The following VPS37B variants were observed in gnomAD, a reference collection of about 807,000 sequenced individuals.
The protein encoded by VPS37B is vacuolar protein sorting-associated protein 37B.
Under a neutral mutation model 21.2 loss-of-function variants are expected in VPS37B, and 11 were observed. The observed-to-expected ratio is 0.52, with a 90% CI of 0.33 to 0.86. The LOEUF (loss-of-function observed/expected upper bound fraction) is 0.86, where lower values mean the gene tolerates loss of function less well. Among genes scored for constraint, VPS37B ranks in the 40% least tolerant of loss-of-function variants. The pLI, the probability that VPS37B is intolerant of heterozygous loss-of-function variation, is 0.03. For synonymous variants in VPS37B, 175 were observed against 159.6 expected, an observed-to-expected ratio of 1.10 and a Z score of -0.73; for missense variants, 389 against 374.8, an observed-to-expected ratio of 1.04 and a Z score of -0.31.
chr12:122,881,881 C>T (rs942725390), intron 1 of VPS37B: 4 of 152,080 alleles, frequency 2.6e-5, no homozygotes, highest in African/African-American at 9.7e-5. Context: ...TATGTATAAC[C>T]GTCTCCTAGG....
chr12:122,894,830 G>A (rs2034466187), intron 1 of VPS37B, among the ~76,000 whole-genome samples: 1 of 152,182 alleles, frequency 6.6e-6, no homozygotes, highest in East Asian at 1.9e-4. Context: ...TGCCTTCCAG[G>A]GGCTGGGCAA....
At chr12:122,884,777 G>A (rs896859846) in intron 1 of VPS37B, 57 of 151,804 alleles carry the variant, frequency 3.8e-4, no homozygotes, top group Non-Finnish European at 5.9e-5. Context: ...GAAGAGCTTC[G>A]GGTTTTATTG....
In VPS37B at chr12:122,867,647, G is replaced by A; in HGVS notation, c.367-40C>T. On this transcript the variant is annotated intron_variant, in intron 3 of 3. Transcript: ENST00000267202. The surrounding 1 kb of genome is among the most constrained non-coding windows in gnomAD (Gnocchi z 5.5). ...AACCTGGTTACAGGGACAGCCAGAT[G>A]GGGAGGATGCTCCCTTCGTGGTCTA... 1 of 1,604,732 alleles carries A rather than the reference G, an allele frequency of 6.2e-7. No individual in the cohort carries two copies. Among genetic ancestry groups the A allele is most frequent in the Non-Finnish European group, 8.5e-7 (1 of 1,179,778 alleles).
At chr12:122,871,976 G>C (rs1023630956) in intron 1 of VPS37B, 1 of 985,310 alleles carries the variant, frequency 1.0e-6, no homozygotes, top group Admixed American at 6.2e-5. Context: ...AACAGCATGC[G>C]ATTCCTTACC....
intron 1 of VPS37B, among the ~76,000 whole-genome samples, chr12:122,894,781 A>C (rs1246594803): frequency 6.6e-6 from 1 of 152,224 alleles, no homozygotes; most frequent in Non-Finnish European, 1.5e-5. Context: ...CCACACCTCA[A>C]GGTGTGAAGG....
chr12:122,896,005 C>A lies in VPS37B; in HGVS notation c.58G>T (p.Glu20Ter). ...FAGLSLVQLN[E>*]LLEDEGQLTE... ...AGCTGGCCCTCGTCCTCCAGCAGCT[C>A]GTTGAGCTGCACCAGCGACAGCCCG... is the stretch of plus-strand genomic sequence containing the variant. The change falls in exon 1 of 4, where the codon GAG becomes TAG. Residue 20 changes from glutamate (E) to a stop codon, truncating the protein, a stop_gained. Coordinates refer to ENST00000267202, the MANE Select transcript of VPS37B (RefSeq NM_024667.3). LOFTEE classifies it high-confidence loss of function. The A allele has an allele frequency of 6.2e-7, 1 of 1,605,586 alleles. No individual in the cohort carries two copies. The highest frequency in any genetic ancestry group is 1.1e-5 in the South Asian group (1 of 90,856).
In VPS37B at chr12:122,867,520, G is replaced by C; in HGVS notation, c.454C>G (p.Arg152Gly). 1 of 1,614,028 alleles carries C rather than the reference G, an allele frequency of 6.2e-7. No individual in the cohort carries two copies. Among genetic ancestry groups the C allele is most frequent in the South Asian group, 1.1e-5 (1 of 91,086 alleles). ...TGGAGCTTCTCGATTTTCACCCGTC[G>C]CATGTGGGCCAGTTTCCGTTTGCTC... ...YQSKRKLAHMRRVKIEKLQEM... is the reference protein window; with the variant it reads ...YQSKRKLAHMGRVKIEKLQEM... The change falls in exon 4 of 4, where the codon CGA becomes GGA. Residue 152 changes from arginine to glycine, a missense_variant. Physicochemically the swap from Arg to Gly is moderately radical, Grantham distance 125 (BLOSUM62 -2). Transcript: ENST00000267202. The surrounding 1 kb of genome is among the most constrained non-coding windows in gnomAD (Gnocchi z 5.5).
rs192117904 is a variant in VPS37B at position 122,881,798 on chromosome 12, T to C, written c.112-10737A>G. On this transcript the variant is annotated intron_variant, in intron 1 of 3. Coordinates refer to ENST00000267202, the MANE Select transcript of VPS37B (RefSeq NM_024667.3). The stretch of plus-strand genomic sequence containing the variant: ...ATCATCTAAGGTTCATTCCTATTTA[T>C]ACCTTTTTTAAAAAAACCTTTTATA... 8 of 152,340 alleles carry C rather than the reference T, an allele frequency of 5.3e-5. 1 individual carries two copies. The highest frequency in any genetic ancestry group is 4.6e-4 in the Admixed American group (7 of 15,294). The allele number at this position is 152,340 out of a possible 1,614,324, so 9.4% of individuals were successfully genotyped here. A position where few individuals can be genotyped will look rare whatever the true frequency, so the allele number is the denominator to read the frequency against.
chr12:122,894,660 G>T (rs1037889812), intron 1 of VPS37B, among the ~76,000 whole-genome samples: 3 of 152,204 alleles, frequency 2.0e-5, no homozygotes, highest in African/African-American at 7.2e-5. Flanking sequence ...CTGCCTGGAG[G>T]AGAACCAGAC....
At chr12:122,891,629 T>C (rs561470952) in intron 1 of VPS37B, among the ~76,000 whole-genome samples, 9 of 152,180 alleles carry the variant, frequency 5.9e-5, no homozygotes, top group Non-Finnish European at 8.8e-5. Flanking sequence ...TTATAAAACA[T>C]GGATAAAAAC....
intron 1 of VPS37B, chr12:122,874,015 C>CA: frequency 6.6e-6 from 1 of 152,292 alleles, no homozygotes; most frequent in South Asian, 2.1e-4. Context: ...TAAGTGCCTC[C>CA]AATCCTTGAT....
intron 1 of VPS37B, chr12:122,872,028 C>T (rs888038107): frequency 2.4e-5 from 24 of 985,214 alleles, no homozygotes; most frequent in African/African-American, 2.3e-4. Context: ...TCTTCTTCAA[C>T]GCCACCCCAG....
rs2033930244 is a variant in VPS37B at position 122,867,474 on chromosome 12, T to C, written c.500A>G (p.Gln167Arg). Residue 167 changes from glutamine (Q) to arginine (R), a missense_variant, in exon 4 of 4, where the codon CAG becomes CGG. Gln to Arg is a conservative substitution (Grantham distance 43). Transcript: ENST00000267202. This position sits in a 1 kb window ranked among gnomAD's most constrained non-coding sequence, Gnocchi z 5.5. ...EKLQEMVLKG[Q>R]RLPQALAPLP... ...CGGGGCCAGGGCCTGTGGGAGTCTC[T>C]GCCCCTTTAGGACCATCTCCTGGAG... 2 of 1,613,980 alleles carry C rather than the reference T, an allele frequency of 1.2e-6. No homozygotes were observed. The highest frequency in any genetic ancestry group is 2.2e-5 in the East Asian group (1 of 44,868).
intron 1 of VPS37B, chr12:122,872,699 T>C (rs1056907295): frequency 1.0e-6 from 1 of 985,190 alleles, no homozygotes; most frequent in African/African-American, 1.7e-5. Flanking sequence ...AACCACTGTA[T>C]GGCCACTCTG....
intron 1 of VPS37B, chr12:122,886,786 G>C (rs1335786982): frequency 1.2e-4 from 18 of 152,144 alleles, no homozygotes. Context: ...GTGTAAAATA[G>C]TTTATACGCA....
chr12:122,892,172 T>G (rs2034422774), intron 1 of VPS37B, among the ~76,000 whole-genome samples: 1 of 152,182 alleles, frequency 6.6e-6, no homozygotes, highest in South Asian at 2.1e-4. Context: ...ATATGAAACA[T>G]TAGCCTGCAG....
chr12:122,888,476 G>A (rs1369081853), intron 1 of VPS37B: 3 of 448,962 alleles, frequency 6.7e-6, no homozygotes, highest in African/African-American at 4.0e-5. Flanking sequence ...GATTACCTAC[G>A]AGTGGCTGGC....
chr12:122,896,054 G>A lies in VPS37B; in HGVS notation c.9C>T (p.Gly3=), dbSNP rs752205342. 1 of 1,578,394 alleles carries A rather than the reference G, an allele frequency of 6.3e-7. No individual in the cohort carries two copies. The highest frequency in any genetic ancestry group is 1.1e-5 in the South Asian group (1 of 88,912). Reference sequence around the variant, plus strand: ...CGGCGAACCGGGCTTCGCTCCCGGCGCCCGCCATCCCCACGTCTCGGCCGT... The same window carrying A: ...CGGCGAACCGGGCTTCGCTCCCGGCACCCGCCATCCCCACGTCTCGGCCGT... MA[G]AGSEARFAGL... The change falls in exon 1 of 4, where the codon GGC becomes GGT. Residue 3 remains glycine, a synonymous_variant. Transcript: ENST00000267202.
At position 122,868,612 on chromosome 12, in the gene VPS37B, G is replaced by A; in HGVS notation, c.284-50C>T. The A allele has an allele frequency of 6.5e-7, 1 of 1,541,966 alleles. No individual in the cohort carries two copies. Among genetic ancestry groups the A allele is most frequent in the Non-Finnish European group, 8.9e-7 (1 of 1,124,520 alleles). On this transcript the variant is annotated intron_variant, in intron 2 of 3. Transcript: ENST00000267202. The surrounding 1 kb of genome is among the most constrained non-coding windows in gnomAD (Gnocchi z 5.5). ...CAAAAGTGAGAGGTGTCCAGGTAAA[G>A]CCCTTCATGATGCCAACCACGGCAG... is the stretch of plus-strand genomic sequence containing the variant.
Sources: allele counts gnomAD v4.1 joint callset (sites outside exome capture counted in the v4.1 genomes callset), GRCh38; gene constraint gnomAD v4.1.1; non-coding constraint Gnocchi (gnomAD v3.1); transcripts MANE v1.5; gene names NCBI Gene and HGNC (gene_info 2026-07-23, HGNC 2026-07-21).